BRWD3: variants seen among roughly 807,000 people sequenced by gnomAD.
BRWD3 encodes the protein bromodomain and WD repeat domain containing 3.
In BRWD3, 10 loss-of-function variants were observed where a neutral mutation model predicts 149.7. The observed-to-expected ratio is 0.07, with a 90% confidence interval of 0.04 to 0.11. The LOEUF is 0.11. BRWD3 is among the 10% of genes least tolerant of loss of function. BRWD3 has a pLI of 1.00. For missense variants in BRWD3, 940 were observed against 1,373.2 expected, an observed-to-expected ratio of 0.68 and a Z score of 4.99; for synonymous variants, 504 against 456.7, an observed-to-expected ratio of 1.10 and a Z score of -1.32.
At chrX:80,706,276 T>C (rs1222063177) in intron 22 of BRWD3, among the ~76,000 whole-genome samples, 1 of 110,543 alleles carries the variant, frequency 9.0e-6, no homozygotes, top group Non-Finnish European at 1.9e-5. Context: ...ATCCGGGTAA[T>C]TTTTGTATTT....
At chrX:80,802,431 G>A (rs897756549) in intron 4 of BRWD3, among the ~76,000 whole-genome samples, 46 of 69,243 alleles carry the variant, frequency 6.6e-4, no homozygotes, top group African/African-American at 2.6e-3. Context: ...GACAGAGCAA[G>A]ACTCTCATCT....
At chrX:80,784,712 G>A (rs748891919) in intron 6 of BRWD3, among the ~76,000 whole-genome samples, 13 of 112,214 alleles carry the variant, frequency 1.2e-4, no homozygotes, top group East Asian at 8.4e-4. Context: ...TGCAAAGGAC[G>A]TGATCCCATT....
intron 6 of BRWD3, among the ~76,000 whole-genome samples, chrX:80,789,956 A>G (rs1299584388): frequency 1.9e-5 from 2 of 107,271 alleles, no homozygotes; most frequent in Non-Finnish European, 3.8e-5. Flanking sequence ...AGGCGGGTGG[A>G]TCACTTGAGG....
In BRWD3 at chrX:80,724,811, T is replaced by G. The variant is rs1261607450; in HGVS notation, c.1521+122A>C. Reference sequence around the variant, plus strand: ...ATTCTTGAGTTATTCTCTGAAATATTTAACCAATTTAAACACATATGACAA... The same window carrying G: ...ATTCTTGAGTTATTCTCTGAAATATGTAACCAATTTAAACACATATGACAA... On this transcript the variant is annotated intron_variant, in intron 15 of 40. Coordinates refer to ENST00000373275, the MANE Select transcript of BRWD3 (RefSeq NM_153252.5). 9 of 790,349 alleles carry G rather than the reference T, an allele frequency of 1.1e-5. No individual in the cohort carries two copies. In the Admixed American group the frequency reaches 2.4e-4, roughly 21 times the overall value. 65.1% of individuals were successfully genotyped at this position (790,349 alleles called of 1,213,427 possible). A position where few individuals can be genotyped will look rare whatever the true frequency, so the allele number is the denominator to read the frequency against.
chrX:80,756,364 T>TAG (rs2073737008), intron 6 of BRWD3, among the ~76,000 whole-genome samples: 1 of 108,277 alleles, frequency 9.2e-6, no homozygotes. Flanking sequence ...TAGCTGGGCC[T>TAG]GGTGGTGCAT....
chrX:80,719,351 T>C (rs1213236966), intron 18 of BRWD3, 138 bp downstream of exon 18: 10 of 530,556 alleles, frequency 1.9e-5, no homozygotes, highest in South Asian at 3.6e-5. Context: ...GAGACTTCAA[T>C]ATATCTGATA....
chrX:80,724,414 G>C (rs1336190711), intron 15 of BRWD3, among the ~76,000 whole-genome samples: 1 of 111,430 alleles, frequency 9.0e-6, no homozygotes, highest in Non-Finnish European at 1.9e-5. Context: ...TCATAGAATG[G>C]TGGATATGAG....
chrX:80,672,223 T>G lies in BRWD3; in HGVS notation c.*4386A>C, dbSNP rs1023946905. 2.7e-5 allele frequency: 3 copies of G among 109,378 alleles called. No homozygotes were observed. Among genetic ancestry groups the G allele is most frequent in the Non-Finnish European group, 5.7e-5 (3 of 52,621 alleles). 9.0% of individuals were successfully genotyped at this position (109,378 alleles called of 1,213,427 possible). A position where few individuals can be genotyped will look rare whatever the true frequency, so the allele number is the denominator to read the frequency against. On this transcript the variant is annotated 3_prime_UTR_variant, in exon 41 of 41. Transcript: ENST00000373275. ...TGAATCAAAAATTGCCAATCTTAAG[T>G]GTGGTAAATTAGGTGCAGTTTTCAT...
intron 20 of BRWD3, among the ~76,000 whole-genome samples, chrX:80,712,456 T>A (rs1186065617): frequency 1.8e-5 from 2 of 110,777 alleles, no homozygotes; most frequent in Non-Finnish European, 3.8e-5. Context: ...CAGTGCTCAA[T>A]GGTGCCCAGG....
intron 8 of BRWD3, among the ~76,000 whole-genome samples, chrX:80,741,523 C>T (rs1188667488): frequency 1.8e-5 from 2 of 111,702 alleles, no homozygotes; most frequent in African/African-American, 6.5e-5. Flanking sequence ...TACAGTCCCA[C>T]CAACAGTGTA....
intron 25 of BRWD3, among the ~76,000 whole-genome samples, chrX:80,698,293 A>T (rs1278646070): frequency 8.9e-6 from 1 of 112,067 alleles, no homozygotes; most frequent in East Asian, 2.8e-4. Context: ...GTCCTGCTTA[A>T]AGTTATATAT....
rs183890474 is a variant in BRWD3 at position 80,746,042 on chromosome X, G to A, written c.431-313C>T. On this transcript the variant is annotated intron_variant, in intron 6 of 40. Coordinates refer to ENST00000373275, the MANE Select transcript of BRWD3 (RefSeq NM_153252.5). ...AAGAGACTGTCATTTTAAATATATA[G>A]GTAAATCTTTCTATAACATGAAGAA... 2.7e-5 allele frequency among the ~76,000 whole-genome samples: 3 copies of A among 110,127 alleles called. No individual in the cohort carries two copies. The East Asian group carries it at 8.5e-4, about 31-fold the overall frequency.
At position 80,722,533 on chromosome X, in the gene BRWD3, T is replaced by C. The variant is rs867098288; in HGVS notation, c.1876+29A>G. On this transcript the variant is annotated intron_variant, in intron 17 of 40. Coordinates refer to ENST00000373275, the MANE Select transcript of BRWD3 (RefSeq NM_153252.5). ...GTAATGTATAACATTGGGCAAAATG[T>C]TTTAAATTTACTTTTAGAGAAAACA... The C allele has an allele frequency of 5.1e-6, 6 of 1,183,104 alleles. No homozygotes were observed. In the Middle Eastern group the frequency reaches 1.2e-3, roughly 231 times the overall value.
chrX:80,789,745 C>T (rs1409921917), intron 6 of BRWD3, among the ~76,000 whole-genome samples: 3 of 110,122 alleles, frequency 2.7e-5, no homozygotes, highest in Admixed American at 9.7e-5. Context: ...TGAAAAGCTA[C>T]GAAAAGTACA....
intron 6 of BRWD3, among the ~76,000 whole-genome samples, chrX:80,787,176 G>A (rs2074117338): frequency 9.0e-6 from 1 of 111,589 alleles, no homozygotes; most frequent in African/African-American, 3.3e-5. Flanking sequence ...GTTAAGACCT[G>A]AACACTGAAA....
intron 14 of BRWD3, among the ~76,000 whole-genome samples, chrX:80,725,718 T>C (rs2073209614): frequency 9.0e-6 from 1 of 111,660 alleles, no homozygotes; most frequent in Non-Finnish European, 1.9e-5. Context: ...ATATAACATA[T>C]AACATGTTTA....
intron 5 of BRWD3, 54 bp from the exon 6 acceptor site, chrX:80,792,006 A>G: frequency 1.3e-6 from 1 of 744,791 alleles, no homozygotes; most frequent in South Asian, 2.4e-5. Context: ...TTTTTTAACC[A>G]TGTCTCAGAA....
chrX:80,709,912 C>T, intron 20 of BRWD3: 1 of 775,776 alleles, frequency 1.3e-6, no homozygotes, highest in Middle Eastern at 4.4e-4. Flanking sequence ...GCAACCAGAC[C>T]TGTGCTGGAA....
At chrX:80,720,787 A>C (rs928473964) in intron 17 of BRWD3, among the ~76,000 whole-genome samples, 3 of 111,947 alleles carry the variant, frequency 2.7e-5, no homozygotes, top group Non-Finnish European at 5.6e-5. Context: ...ATTCCATGGT[A>C]AGTGCTTTAT....
Sources: allele counts gnomAD v4.1 joint callset (sites outside exome capture counted in the v4.1 genomes callset), GRCh38; gene constraint gnomAD v4.1.1; transcripts MANE v1.5; gene names NCBI Gene and HGNC (gene_info 2026-07-23, HGNC 2026-07-21).